Variants in ZNF594 observed in about 807,000 individuals in gnomAD.
The protein encoded by ZNF594 is zinc finger protein HZF18.
For synonymous variants in ZNF594, 336 were observed against 309.4 expected, an observed-to-expected ratio of 1.09 and a Z score of -0.90; for missense variants, 1,037 against 964.6, an observed-to-expected ratio of 1.08 and a Z score of -0.99.
intron 1 of ZNF594, among the ~76,000 whole-genome samples, chr17:5,190,481 G>A (rs1166652971): frequency 6.6e-6 from 1 of 152,170 alleles, no homozygotes; most frequent in East Asian, 1.9e-4. Context: ...CTTAAGAAAT[G>A]CCACTATTTC....
chr17:5,181,574 A>G lies in ZNF594; in HGVS notation c.*259T>C, dbSNP rs749065768. 483 of 1,613,734 alleles carry G rather than the reference A, an allele frequency of 3.0e-4. No homozygotes were observed. Among genetic ancestry groups the G allele is most frequent in the Non-Finnish European group, 3.9e-4 (464 of 1,179,808 alleles). On this transcript the variant is annotated 3_prime_UTR_variant, in exon 2 of 2. Transcript: ENST00000575779. ...TACATTCATAGGGTTTCTCACCACTATGAATTCTCCGACGTTGAATAAGGA... is the reference window on the plus strand; with the variant it reads ...TACATTCATAGGGTTTCTCACCACTGTGAATTCTCCGACGTTGAATAAGGA...
rs369041244 is a variant in ZNF594, at chr17:5,182,359, A to G, written c.1898T>C (p.Phe633Ser). 3.1e-5 allele frequency: 50 copies of G among 1,613,446 alleles called. No individual in the cohort carries two copies. The highest frequency in any genetic ancestry group is 4.1e-5 in the Non-Finnish European group (48 of 1,179,960). ...PYVCNKCGKS[F>S]RGSSDLIKHH... ...TTTAATAAGATCTGAGCTACCCCTA[A>G]AAGATTTCCCACATTTGTTGCATAC... is the stretch of plus-strand genomic sequence containing the variant. The change falls in exon 2 of 2, where the codon TTT (phenylalanine) becomes TCT (serine). Residue 633 changes from phenylalanine to serine, a missense_variant. By Grantham distance (155) the Phe-to-Ser change is radical. Transcript: ENST00000575779.
chr17:5,182,995 C>G lies in ZNF594; in HGVS notation c.1262G>C (p.Arg421Thr). 1 of 1,614,082 alleles carries G rather than the reference C, an allele frequency of 6.2e-7. No individual in the cohort carries two copies. The highest frequency in any genetic ancestry group is 8.5e-7 in the Non-Finnish European group (1 of 1,180,002). Residue 421 changes from arginine to threonine, a missense_variant, in exon 2 of 2, where the codon AGA becomes ACA. Arg to Thr is a moderately conservative substitution (Grantham distance 71, BLOSUM62 -1). Coordinates refer to ENST00000575779, the MANE Select transcript of ZNF594 (RefSeq NM_032530.2). ...KTFNQSSDLL[R>T]HHRIHSGEKP... is the part of the protein sequence containing the mutation. ...TTCTCCACTGTGAATTCTATGATGT[C>G]TCAGAAGGTCTGAGCTCTGATTGAA...
At position 5,182,259 on chromosome 17, in the gene ZNF594, G is replaced by A. The variant is rs758086280; in HGVS notation, c.1998C>T (p.His666=). 2.5e-6 allele frequency: 4 copies of A among 1,613,268 alleles called. No homozygotes were observed. Among genetic ancestry groups the A allele is most frequent in the East Asian group, 4.5e-5 (2 of 44,800 alleles). Residue 666 remains histidine (H), a synonymous_variant, in exon 2 of 2, where the codon CAC becomes CAT. Coordinates refer to ENST00000575779, the MANE Select transcript of ZNF594 (RefSeq NM_032530.2). The stretch of plus-strand genomic sequence containing the variant: ...TATGGATTTTCTGGTGTGTAGCAAG[G>A]TGTGACCTCTGGCTGAAGGCTTTCC... ...ECGKAFSQRS[H]LATHQKIHTG...
chr17:5,182,002 T>C lies in ZNF594; in HGVS notation c.2255A>G (p.Gln752Arg). The C allele has an allele frequency of 6.2e-7, 1 of 1,613,656 alleles. No individual in the cohort carries two copies. Among genetic ancestry groups the C allele is most frequent in the Non-Finnish European group, 8.5e-7 (1 of 1,179,998 alleles). The change falls in exon 2 of 2, where the codon CAG (glutamine) becomes CGG (arginine). Residue 752 changes from glutamine to arginine, a missense_variant. Physicochemically the swap from Gln to Arg is conservative, Grantham distance 43. Coordinates refer to ENST00000575779, the MANE Select transcript of ZNF594 (RefSeq NM_032530.2). ...AACTTTCTTTTCCTGGTGAGTTCTCTGCTCTTTTCTAAGCTCCTCATCCTT... is the reference window on the plus strand; with the variant it reads ...AACTTTCTTTTCCTGGTGAGTTCTCCGCTCTTTTCTAAGCTCCTCATCCTT... ...FSKDEELRKE[Q>R]RTHQEKKVYW...
intron 1 of ZNF594, among the ~76,000 whole-genome samples, chr17:5,191,066 TC>T (rs1200967442): frequency 6.6e-6 from 1 of 151,932 alleles, no homozygotes; most frequent in Non-Finnish European, 1.5e-5. Context: ...AAATCCCCCC[TC>T]CCCTATTTAG....
chr17:5,185,783 C>T (rs1459006767), intron 1 of ZNF594, among the ~76,000 whole-genome samples: 1 of 152,120 alleles, frequency 6.6e-6, no homozygotes, highest in Non-Finnish European at 1.5e-5. Context: ...TTGGCCAAAA[C>T]AAAGGGGTTA....
rs71151844 is a variant in ZNF594, at chr17:5,188,267, CTTT to C, written c.-21+3478_-21+3480del. 3.2e-3 allele frequency among the ~76,000 whole-genome samples: 426 copies of C among 134,738 alleles called. 2 individuals are homozygous for C. The highest frequency in any genetic ancestry group is 0.011 in the Middle Eastern group (3 of 278). The allele number at this position is 134,738 out of a possible 152,430, so 88.4% of individuals were successfully genotyped here. ...AAAAGATAGTAGATTAAAGGCTGCCCTTTTTTTTTTTTTTTCACAAAAAACTTG... is the reference window on the plus strand; with the variant it reads ...AAAAGATAGTAGATTAAAGGCTGCCCTTTTTTTTTTTTCACAAAAAACTTG... On this transcript the variant is annotated intron_variant, in intron 1 of 1. Transcript: ENST00000575779.
chr17:5,178,395 T>G (rs951815359), downstream of ZNF594, among the ~76,000 whole-genome samples: 17 of 152,232 alleles, frequency 1.1e-4, no homozygotes, highest in Admixed American at 9.2e-4. Context: ...TAAATAACTC[T>G]TAGCATATGT....
chr17:5,177,620 C>T (rs1456976261), downstream of ZNF594, among the ~76,000 whole-genome samples: 8 of 151,666 alleles, frequency 5.3e-5, no homozygotes, highest in East Asian at 1.9e-4. Context: ...AGGTGGATCA[C>T]GAGGTCAGGA....
chr17:5,181,206 G>C lies in ZNF594; in HGVS notation c.*627C>G, dbSNP rs779967305. On this transcript the variant is annotated 3_prime_UTR_variant, in exon 2 of 2. Coordinates refer to ENST00000575779, the MANE Select transcript of ZNF594 (RefSeq NM_032530.2). ...AATAAGATCTGAGCTGCCCCTAAAA[G>C]ATTTCCCACATTTGTTGCATACATA... 1.2e-6 allele frequency: 2 copies of C among 1,611,588 alleles called. No homozygotes were observed. The highest frequency in any genetic ancestry group is 1.7e-6 in the Non-Finnish European group (2 of 1,177,892).
rs1452848204 is a variant in ZNF594, at chr17:5,181,005, T to C, written c.*828A>G. On this transcript the variant is annotated 3_prime_UTR_variant, in exon 2 of 2. Transcript: ENST00000575779. ...AAATTCCTTTCCAATGTGAAGTTTC[T>C]GGTGCTTAAGAAAAGCTGTCCACCC... is the stretch of plus-strand genomic sequence containing the variant. The C allele has an allele frequency of 3.8e-6, 3 of 784,356 alleles. No homozygotes were observed. The highest frequency in any genetic ancestry group is 4.4e-6 in the Non-Finnish European group (2 of 455,372). The allele number at this position is 784,356 out of a possible 1,614,324, so 48.6% of individuals were successfully genotyped here.
chr17:5,187,715 T>C (rs1009716713), intron 1 of ZNF594, among the ~76,000 whole-genome samples: 22 of 152,178 alleles, frequency 1.4e-4, no homozygotes, highest in Admixed American at 1.4e-3. Flanking sequence ...ATTTACCTCA[T>C]AGAGTTGTTA....
chr17:5,177,151 G>A (rs1166585275), downstream of ZNF594, among the ~76,000 whole-genome samples: 10 of 150,114 alleles, frequency 6.7e-5, no homozygotes, highest in Admixed American at 2.0e-4. Flanking sequence ...AGCCGAGATC[G>A]CACCACTGCA....
chr17:5,183,821 G>A lies in ZNF594; in HGVS notation c.436C>T (p.Gln146Ter). Residue 146 changes from glutamine to a stop codon, truncating the protein, a stop_gained, in exon 2 of 2, where the codon CAG (glutamine) becomes TAG (stop). Coordinates refer to ENST00000575779, the MANE Select transcript of ZNF594 (RefSeq NM_032530.2). LOFTEE classifies it low-confidence loss of function (END_TRUNC). Reference sequence around the variant, plus strand: ...GGCTTATTTCCTGTATGAATTCTCTGATGTATGATCAGGTTTGAACTCCTG... The same window carrying A: ...GGCTTATTTCCTGTATGAATTCTCTAATGTATGATCAGGTTTGAACTCCTG... ...FNRSSNLIIHQRIHTGNKPYV... is the reference protein window; with the variant it reads ...FNRSSNLIIH 1 of 1,614,082 alleles carries A rather than the reference G, an allele frequency of 6.2e-7. No homozygotes were observed. Among genetic ancestry groups the A allele is most frequent in the Non-Finnish European group, 8.5e-7 (1 of 1,180,024 alleles).
the ZNF594 span, chr17:5,174,277 A>T: frequency 5.3e-6 from 1 of 189,110 alleles, no homozygotes; most frequent in Non-Finnish European, 1.1e-5. Context: ...TACTTGAAGG[A>T]AATGTTTCAC....
rs769574654 is a variant in ZNF594 at position 5,183,269 on chromosome 17, T to A, written c.988A>T (p.Lys330Ter). 1.5e-5 allele frequency: 25 copies of A among 1,614,204 alleles called. No individual in the cohort carries two copies. Among genetic ancestry groups the A allele is most frequent in the Middle Eastern group, 1.6e-4 (1 of 6,062 alleles). The change falls in exon 2 of 2, where the codon AAG becomes TAG. Residue 330 changes from lysine to a stop codon, truncating the protein, a stop_gained. Coordinates refer to ENST00000575779, the MANE Select transcript of ZNF594 (RefSeq NM_032530.2). LOFTEE classifies it low-confidence loss of function (END_TRUNC). ...AAAGCTGTGCGCCCACTGAAGGTCT[T>A]CCCACATCTGTGACATTCATAGGGT... ...EKPYECHRCGKTFSGRTAFLK... is the reference protein window; with the variant it reads ...EKPYECHRCG
rs537358321 is a variant in ZNF594, at chr17:5,181,432, C to T, written c.*401G>A. 35 of 1,613,608 alleles carry T rather than the reference C, an allele frequency of 2.2e-5. No individual in the cohort carries two copies. The African/African-American group carries it at 4.0e-4, about 18-fold the overall frequency. The stretch of plus-strand genomic sequence containing the variant: ...TCTTCTTGGTGAATTTTCTGCTCTC[C>T]CCTAAGCTCCTCATCCTTGCTGAAG... On this transcript the variant is annotated 3_prime_UTR_variant, in exon 2 of 2. Transcript: ENST00000575779.
chr17:5,184,303 A>G (rs1325686589), intron 1 of ZNF594, 27 bp from the exon 2 acceptor site: 1 of 1,562,734 alleles, frequency 6.4e-7, no homozygotes, highest in Non-Finnish European at 8.6e-7. Flanking sequence ...ATCATTCTAT[A>G]ATTCCTAAAA....
Sources: gnomAD v4.1 joint callset for allele counts (sites outside exome capture counted in the v4.1 genomes callset) on GRCh38, gnomAD v4.1.1 for gene constraint, MANE v1.5 for transcripts, NCBI Gene and HGNC (gene_info 2026-07-23, HGNC 2026-07-21) for gene names.